BZW1: variants seen among roughly 807,000 people sequenced by gnomAD.
BZW1 encodes the protein eIF5-mimic protein 2.
In BZW1, 3 loss-of-function variants were observed where a neutral mutation model predicts 54.1. That is an observed-to-expected ratio of 0.06 (90% CI 0.03 to 0.14). BZW1 has a LOEUF of 0.14. Ranked by LOEUF, BZW1 falls within the 10% of genes least tolerant of loss-of-function variation. BZW1 has a pLI of 1.00. For synonymous variants in BZW1, 152 were observed against 162.7 expected (o/e 0.93, Z 0.50); for missense variants, 206 against 491.7 (o/e 0.42, Z 5.50).
chr2:200,826,413 T>TAGA lies in BZW1; in HGVS notation c.*4235_*4236insAGA, dbSNP rs1559318436. 2.0e-4 allele frequency: 8 copies of TAGA among 40,082 alleles called. No homozygotes were observed. The highest frequency in any genetic ancestry group is 1.0e-3 in the African/African-American group (8 of 7,902). 2.5% of individuals were successfully genotyped at this position (40,082 alleles called of 1,614,324 possible). On this transcript the variant is annotated 3_prime_UTR_variant, in exon 12 of 12. Transcript: ENST00000409600. The stretch of plus-strand genomic sequence containing the variant: ...GATAGATAGATAGATAGATATTTTT[T>TAGA]TTTTTTTTTTTTTTTTTTTTTTTTT...
intron 1 of BZW1, chr2:200,812,515 G>C: frequency 7.2e-7 from 1 of 1,382,448 alleles, no homozygotes; most frequent in South Asian, 1.7e-5. Context: ...AAGAGCCGCG[G>C]GACCCTACGG....
At chr2:200,817,941 T>C (rs1366622748) in intron 6 of BZW1, 33 bp from the exon 7 acceptor site, 3 of 1,427,066 alleles carry the variant, frequency 2.1e-6, no homozygotes, top group Non-Finnish European at 2.9e-6. Flanking sequence ...CCAGGGAAGG[T>C]ACTTCTGTTA....
intron 9 of BZW1, 54 bp from the exon 10 acceptor site, chr2:200,819,916 TAGGAGTTTTGTA>T: frequency 7.4e-7 from 1 of 1,345,628 alleles, no homozygotes; most frequent in Non-Finnish European, 9.9e-7. Context: ...GTCTGTATTG[TAGGAGTTTTGTA>T]ATGGATGGTT....
chr2:200,816,430 G>C, intron 5 of BZW1, 40 bp downstream of exon 5: 1 of 1,376,570 alleles, frequency 7.3e-7, no homozygotes, highest in Non-Finnish European at 1.0e-6. Context: ...GAAAAAAATA[G>C]GGTTAGAAAG....
intron 1 of BZW1, chr2:200,812,690 G>C (rs2038122959): frequency 2.0e-6 from 2 of 982,978 alleles, no homozygotes; most frequent in South Asian, 1.5e-5. Context: ...TTGCAGGCCT[G>C]AGTGGTGCAA....
Position 200,822,137 on chromosome 2 carries a change from C to T in BZW1, c.1229-10C>T, listed in dbSNP as rs1378833578. On this transcript the variant is annotated splice_polypyrimidine_tract_variant and intron_variant, in intron 11 of 11. Coordinates refer to ENST00000409600, the MANE Select transcript of BZW1 (RefSeq NM_001207067.2). ...ACATAATGTTTGACTGTTTTTTTCC[C>T]CTTTTCTAGAATCTGAATCTGAAGC... is the stretch of plus-strand genomic sequence containing the variant. 1.9e-6 allele frequency: 3 copies of T among 1,603,518 alleles called. No homozygotes were observed. Among genetic ancestry groups the T allele is most frequent in the African/African-American group, 1.3e-5 (1 of 74,764 alleles).
chr2:200,815,805 A>G (rs2038266627), intron 4 of BZW1, 44 bp downstream of exon 4: 2 of 1,435,470 alleles, frequency 1.4e-6, no homozygotes, highest in Non-Finnish European at 1.9e-6. Context: ...GCTACTATCC[A>G]TGTGGTATAT....
rs927883989 is a variant in BZW1 at position 200,818,815 on chromosome 2, G to A, written c.880G>A (p.Gly294Arg). Residue 294 changes from glycine (G) to arginine (R), a missense_variant, in exon 9 of 12, where the codon GGA (glycine) becomes AGA (arginine). Gly to Arg is a moderately radical substitution (Grantham distance 125, BLOSUM62 -2). Transcript: ENST00000409600. ...CAACATCCCAGAGCCAGTTGTCATCGGAATAGTCTGGTCAAGTGTAATGAG... is the reference window on the plus strand; with the variant it reads ...CAACATCCCAGAGCCAGTTGTCATCAGAATAGTCTGGTCAAGTGTAATGAG... ...KNNIPEPVVI[G>R]IVWSSVMSTV... 1.3e-6 allele frequency: 2 copies of A among 1,599,916 alleles called. No individual in the cohort carries two copies. The highest frequency in any genetic ancestry group is 1.4e-5 in the African/African-American group (1 of 73,786).
Position 200,818,468 on chromosome 2 carries a change from C to T in BZW1, c.819+75C>T, listed in dbSNP as rs1040485201. The T allele has an allele frequency of 2.5e-5, 37 of 1,489,964 alleles. No individual in the cohort carries two copies. In the Admixed American group the frequency reaches 7.6e-4, roughly 30 times the overall value. The allele number at this position is 1,489,964 out of a possible 1,614,324, so 92.3% of individuals were successfully genotyped here. ...GATTTTCACTAATTTGAGGAACTTA[C>T]TTCACCAGGATGAGATTGAGTTAAT... On this transcript the variant is annotated intron_variant, in intron 8 of 11. Transcript: ENST00000409600.
intron 10 of BZW1, among the ~76,000 whole-genome samples, chr2:200,820,562 G>C (rs1408619440): frequency 6.6e-6 from 1 of 152,118 alleles, no homozygotes; most frequent in African/African-American, 2.4e-5. Flanking sequence ...CAAGCCTGTA[G>C]TCCCAGCAAC....
intron 2 of BZW1, among the ~76,000 whole-genome samples, chr2:200,814,073 G>T (rs983476596): frequency 6.6e-6 from 1 of 152,116 alleles, no homozygotes; most frequent in East Asian, 1.9e-4. Context: ...GTAGTGGTGG[G>T]GAGACCAAAG....
intron 9 of BZW1, chr2:200,819,218 A>T (rs2038412149): frequency 3.9e-6 from 1 of 255,684 alleles, no homozygotes; most frequent in Non-Finnish European, 7.5e-6. Context: ...GTGAGACCTC[A>T]TCTCTACTAA....
chr2:200,812,692 G>T, intron 1 of BZW1: 1 of 948,762 alleles, frequency 1.1e-6, no homozygotes, highest in Non-Finnish European at 1.6e-6. Flanking sequence ...GCAGGCCTGA[G>T]TGGTGCAAGG....
chr2:200,812,560 A>G (rs984094835), intron 1 of BZW1: 3 of 1,409,244 alleles, frequency 2.1e-6, no homozygotes, highest in African/African-American at 1.4e-5. Context: ...CTGGGCGGGA[A>G]GCGGGTGATC....
intron 6 of BZW1, among the ~76,000 whole-genome samples, chr2:200,817,641 C>A (rs2038342561): frequency 6.7e-6 from 1 of 149,072 alleles, no homozygotes; most frequent in African/African-American, 2.5e-5. Flanking sequence ...TTTTTTGAAG[C>A]TTTTTTTTTT....
intron 9 of BZW1, among the ~76,000 whole-genome samples, 200 bp from the exon 10 acceptor site, chr2:200,819,782 C>T (rs1425682060): frequency 2.6e-5 from 4 of 152,050 alleles, no homozygotes; most frequent in South Asian, 2.1e-4. Context: ...GTGATCCACC[C>T]GCCTCGGCCT....
intron 9 of BZW1, 101 bp from the exon 10 acceptor site, chr2:200,819,881 T>C (rs905827494): frequency 3.6e-6 from 4 of 1,107,558 alleles, no homozygotes; most frequent in Admixed American, 3.8e-5. Flanking sequence ...GCAGTGATTA[T>C]AAAAGATGAG....
chr2:200,823,302 A>G lies in BZW1; in HGVS notation c.*1124A>G, dbSNP rs1278958746. On this transcript the variant is annotated 3_prime_UTR_variant, in exon 12 of 12. Transcript: ENST00000409600. ...AAGCCTCTGGCTATTAACATACCCT[A>G]GTTGCCGTTTTTTAATTGCCATGAG... 1.2e-5 allele frequency: 2 copies of G among 163,784 alleles called. No homozygotes were observed. Among genetic ancestry groups the G allele is most frequent in the African/African-American group, 4.8e-5 (2 of 41,450 alleles). The allele number at this position is 163,784 out of a possible 1,614,324, so 10.1% of individuals were successfully genotyped here. A position where few individuals can be genotyped will look rare whatever the true frequency, so the allele number is the denominator to read the frequency against.
chr2:200,821,558 C>A (rs75718775), intron 11 of BZW1, among the ~76,000 whole-genome samples: 1 of 144,674 alleles, frequency 6.9e-6, no homozygotes, highest in Non-Finnish European at 1.5e-5. Context: ...GATTTCTTTT[C>A]TTTTTTTTTT....
Sources: gnomAD v4.1 joint callset for allele counts (sites outside exome capture counted in the v4.1 genomes callset) on GRCh38, gnomAD v4.1.1 for gene constraint, MANE v1.5 for transcripts, NCBI Gene and HGNC (gene_info 2026-07-23, HGNC 2026-07-21) for gene names.